JPH3: variants seen among roughly 807,000 people sequenced by gnomAD.
The protein encoded by JPH3 is junctophilin-3.
In JPH3, 11 loss-of-function variants were observed where a neutral mutation model predicts 59.6. That is an observed-to-expected ratio of 0.18 (90% CI 0.12 to 0.31). JPH3 has a LOEUF of 0.31. JPH3 is among the 10% of genes least tolerant of loss of function. JPH3 has a pLI of 1.00. For missense variants in JPH3, 1,202 were observed against 1,105.7 expected (o/e 1.09, Z -1.24); for synonymous variants, 673 against 483.6 (o/e 1.39, Z -5.14).
chr16:87,657,649 G>A (rs148480027), intron 2 of JPH3, among the ~76,000 whole-genome samples: 376 of 152,298 alleles, frequency 2.5e-3, no homozygotes, highest in African/African-American at 8.5e-3. Flanking sequence ...GACTGCTCTT[G>A]AGGTCACTGT....
intron 1 of JPH3, among the ~76,000 whole-genome samples, chr16:87,637,992 C>T (rs186102902): frequency 2.0e-5 from 3 of 152,298 alleles, no homozygotes; most frequent in African/African-American, 7.2e-5. Context: ...TCTTGGCTCA[C>T]TGCAGCAGCC....
intron 2 of JPH3, among the ~76,000 whole-genome samples, chr16:87,683,234 G>T (rs531251066): frequency 6.6e-6 from 1 of 152,364 alleles, no homozygotes; most frequent in South Asian, 2.1e-4. Context: ...CGGCACCGCC[G>T]GGGTGGGTTG....
chr16:87,685,346 C>G (rs1217112276), intron 3 of JPH3, among the ~76,000 whole-genome samples: 4 of 152,240 alleles, frequency 2.6e-5, no homozygotes, highest in Non-Finnish European at 5.9e-5. Context: ...CTCCACTCTC[C>G]TGGCCCCTCC....
intron 1 of JPH3, among the ~76,000 whole-genome samples, chr16:87,634,198 C>T (rs540068205): frequency 1.3e-5 from 2 of 152,138 alleles, no homozygotes; most frequent in African/African-American, 2.4e-5. Flanking sequence ...CTCACTGTCA[C>T]GTTGGACCTG....
At chr16:87,639,302 C>T (rs912668823) in intron 1 of JPH3, among the ~76,000 whole-genome samples, 5 of 151,760 alleles carry the variant, frequency 3.3e-5, no homozygotes, top group African/African-American at 9.7e-5. Context: ...AGTTGGGATT[C>T]GAACTCAAGT....
At chr16:87,695,371 G>T in intron 4 of JPH3, 1 of 456,142 alleles carries the variant, frequency 2.2e-6, no homozygotes, top group Non-Finnish European at 4.4e-6. Context: ...CCTGAGGAAT[G>T]TGCATCCTGG....
intron 4 of JPH3, among the ~76,000 whole-genome samples, chr16:87,692,960 G>A (rs1490358906): frequency 1.3e-5 from 2 of 152,204 alleles, no homozygotes; most frequent in East Asian, 1.9e-4. Flanking sequence ...CTTCCTCCTC[G>A]CTGGGGTGGG....
chr16:87,650,535 G>T (rs2032296111), intron 2 of JPH3, among the ~76,000 whole-genome samples: 1 of 152,212 alleles, frequency 6.6e-6, no homozygotes, highest in African/African-American at 2.4e-5. Flanking sequence ...TAGAGAGGAA[G>T]GTGTGTCAAA....
rs553038129 is a variant in JPH3 at position 87,691,441 on chromosome 16, C to T, written c.2166+915C>T. Among the ~76,000 whole-genome samples, 15 of 152,336 alleles carry T rather than the reference C, an allele frequency of 9.8e-5. No homozygotes were observed. In the South Asian group the frequency reaches 2.1e-3, roughly 21 times the overall value. ...AACAGAAGTGCTGCAAGCCAGTCTG[C>T]CCCTCGGGTGTGAGGACGCAGGGGG... On this transcript the variant is annotated intron_variant, in intron 4 of 4. Coordinates refer to ENST00000284262, the MANE Select transcript of JPH3 (RefSeq NM_020655.4).
At chr16:87,640,194 T>C (rs553989134) in intron 1 of JPH3, among the ~76,000 whole-genome samples, 1 of 151,844 alleles carries the variant, frequency 6.6e-6, no homozygotes, top group African/African-American at 2.4e-5. Flanking sequence ...CTGGGTGTGG[T>C]GGTGCATGCC....
intron 1 of JPH3, among the ~76,000 whole-genome samples, chr16:87,615,871 C>T (rs549183814): frequency 1.6e-4 from 24 of 152,292 alleles, no homozygotes; most frequent in African/African-American, 5.8e-4. Context: ...GCACAGCACC[C>T]GACAGCAGAG....
intron 1 of JPH3, among the ~76,000 whole-genome samples, chr16:87,624,043 T>TG (rs2031282910): frequency 6.6e-6 from 1 of 152,218 alleles, no homozygotes; most frequent in Non-Finnish European, 1.5e-5. Flanking sequence ...GGGCTGAGGC[T>TG]GGGGCAGCCT....
chr16:87,616,127 A>C (rs1037349711), intron 1 of JPH3, among the ~76,000 whole-genome samples: 2 of 147,636 alleles, frequency 1.4e-5, no homozygotes, highest in African/African-American at 5.0e-5. Context: ...GGGACTTTGA[A>C]TTTTCTCCAG....
In JPH3 at chr16:87,602,512, G is replaced by A. The variant is rs1263660793; in HGVS notation, c.-635G>A. On this transcript the variant is annotated 5_prime_UTR_variant, in exon 1 of 5. Coordinates refer to ENST00000284262, the MANE Select transcript of JPH3 (RefSeq NM_020655.4). Reference sequence around the variant, plus strand: ...CGGGCGCGCGCCGCGCGGCCCGAGCGCGCGAGCCGGGCCCGGAGCGCACGC... The same window carrying A: ...CGGGCGCGCGCCGCGCGGCCCGAGCACGCGAGCCGGGCCCGGAGCGCACGC... Among the ~76,000 whole-genome samples the A allele has an allele frequency of 1.4e-5, 2 of 139,416 alleles. No homozygotes were observed. Among genetic ancestry groups the A allele is most frequent in the Non-Finnish European group, 3.2e-5 (2 of 63,300 alleles). 91.5% of individuals were successfully genotyped at this position (139,416 alleles called of 152,430 possible).
At chr16:87,640,838 C>T (rs73236277) in intron 1 of JPH3, among the ~76,000 whole-genome samples, 4,699 of 152,290 alleles carry the variant, frequency 0.031, 251 homozygotes, top group African/African-American at 0.11. Context: ...AAGGGGCAGT[C>T]GCTGAGGGTG....
intron 1 of JPH3, among the ~76,000 whole-genome samples, chr16:87,621,883 C>G (rs1318147121): frequency 3.3e-5 from 5 of 152,144 alleles, no homozygotes; most frequent in Non-Finnish European, 7.4e-5. Context: ...ACATGGGAGA[C>G]CTGCACCAAA....
Position 87,644,793 on chromosome 16 carries a change from G to T in JPH3, c.918G>T (p.Ser306=). 2 of 1,613,324 alleles carry T rather than the reference G, an allele frequency of 1.2e-6. No homozygotes were observed. Among genetic ancestry groups the T allele is most frequent in the Non-Finnish European group, 1.7e-6 (2 of 1,179,878 alleles). The change falls in exon 2 of 5, where the codon TCG becomes TCT. Residue 306 remains serine (S), a synonymous_variant. Transcript: ENST00000284262. ...KRSGFGVSQR[S]DGLKYEGEWA... ...CCGGCTTCGGCGTGAGCCAGCGCTC[G>T]GACGGGCTCAAGTACGAGGGCGAGT...
chr16:87,637,387 T>TGG (rs202216930), intron 1 of JPH3, among the ~76,000 whole-genome samples: 9 of 123,592 alleles, frequency 7.3e-5, no homozygotes, highest in South Asian at 2.5e-4. Context: ...GTTCATGTTA[T>TGG]GGGGGAGAGA....
Position 87,618,914 on chromosome 16 carries a change from C to G in JPH3, c.382+15386C>G, listed in dbSNP as rs1233254172. The stretch of plus-strand genomic sequence containing the variant: ...GACCAGCCTGGCCAACATGGCAAAA[C>G]TGCATCTCTACTAAAAATGGGAAAA... On this transcript the variant is annotated intron_variant, in intron 1 of 4. Coordinates refer to ENST00000284262, the MANE Select transcript of JPH3 (RefSeq NM_020655.4). 2.0e-5 allele frequency among the ~76,000 whole-genome samples: 3 copies of G among 152,182 alleles called. No homozygotes were observed. The East Asian group carries it at 5.8e-4, about 29-fold the overall frequency.
Sources: gnomAD v4.1 joint callset for allele counts (sites outside exome capture counted in the v4.1 genomes callset) on GRCh38, gnomAD v4.1.1 for gene constraint, MANE v1.5 for transcripts, NCBI Gene and HGNC (gene_info 2026-07-23, HGNC 2026-07-21) for gene names.